Variants in CTNNA3 observed in about 807,000 individuals in gnomAD.
CTNNA3 encodes catenin alpha-3.
CTNNA3 carries 76 observed loss-of-function variants against 95.7 expected under a neutral mutation model. The observed-to-expected ratio is 0.79, with a 90% CI of 0.66 to 0.96. CTNNA3 has a LOEUF of 0.96. Among genes scored for constraint, CTNNA3 ranks in the 40% least tolerant of loss-of-function variants. The probability of loss-of-function intolerance (pLI) is 0.00; values close to 1 mark genes in which losing one functional copy is unlikely to be tolerated. For synonymous variants in CTNNA3, 431 were observed against 374.4 expected, an observed-to-expected ratio of 1.15 and a Z score of -1.74; for missense variants, 1,191 against 1,089.8, an observed-to-expected ratio of 1.09 and a Z score of -1.31.
chr10:67,311,489 C>T (rs763160597), intron 5 of CTNNA3, among the ~76,000 whole-genome samples: 2 of 152,060 alleles, frequency 1.3e-5, no homozygotes, highest in Non-Finnish European at 2.9e-5. Context: ...AGGGAGCTTG[C>T]CTATAAAAAG....
At chr10:66,256,061 C>A (rs2090759061) in intron 13 of CTNNA3, among the ~76,000 whole-genome samples, 1 of 152,128 alleles carries the variant, frequency 6.6e-6, no homozygotes. Context: ...CAACACCAGG[C>A]CACCAATGTT....
intron 7 of CTNNA3, among the ~76,000 whole-genome samples, chr10:66,849,227 C>G (rs2132374889): frequency 6.6e-6 from 1 of 152,194 alleles, no homozygotes; most frequent in Non-Finnish European, 1.5e-5. Context: ...GTTGTTTGTT[C>G]AAGATATGCA....
intron 11 of CTNNA3, among the ~76,000 whole-genome samples, chr10:66,397,437 G>A (rs964626328): frequency 2.0e-5 from 3 of 151,390 alleles, no homozygotes; most frequent in Admixed American, 6.6e-5. Flanking sequence ...CTCTCTCTTT[G>A]CCCACCAAAT....
rs749117441 is a variant in CTNNA3 at position 66,069,293 on chromosome 10, T to G, written c.2159+15A>C. On this transcript the variant is annotated intron_variant, in intron 15 of 17. Coordinates refer to ENST00000433211, the MANE Select transcript of CTNNA3 (RefSeq NM_013266.4). ...AGCCATTATGAATATTACACATCGT[T>G]TTCCACATAATTACCTAGTGAAGTC... 25 of 1,609,926 alleles carry G rather than the reference T, an allele frequency of 1.6e-5. No individual in the cohort carries two copies. Among genetic ancestry groups the G allele is most frequent in the Non-Finnish European group, 2.1e-5 (25 of 1,176,816 alleles).
intron 7 of CTNNA3, among the ~76,000 whole-genome samples, chr10:66,976,086 G>A (rs958265059): frequency 4.6e-5 from 7 of 151,718 alleles, no homozygotes; most frequent in Non-Finnish European, 8.9e-5. Flanking sequence ...AATACTTACT[G>A]TTAGGTGCTA....
At chr10:66,487,870 T>G (rs1331530252) in intron 11 of CTNNA3, among the ~76,000 whole-genome samples, 1 of 152,190 alleles carries the variant, frequency 6.6e-6, no homozygotes, top group East Asian at 1.9e-4. Context: ...AAATACTCTT[T>G]AAAAAGCTTG....
intron 15 of CTNNA3, among the ~76,000 whole-genome samples, chr10:66,019,662 A>C (rs2079161593): frequency 1.3e-5 from 2 of 152,292 alleles, no homozygotes; most frequent in African/African-American, 2.4e-5. Flanking sequence ...ATATGAGAAA[A>C]GGATCAAAAG....
intron 9 of CTNNA3, among the ~76,000 whole-genome samples, chr10:66,736,910 A>G (rs1364893299): frequency 6.6e-6 from 1 of 152,162 alleles, no homozygotes; most frequent in Non-Finnish European, 1.5e-5. Context: ...TTTGATTTTT[A>G]ATAACACTTT....
rs1841160722 is a variant in CTNNA3 at position 66,524,000 on chromosome 10, T to C, written c.1375-3227A>G. ...TAATAATCTTACTCATTTTAGTCTT[T>C]GTTCCAGCCACAGTTTTAAGCTCCA... On this transcript the variant is annotated intron_variant, in intron 10 of 17. Coordinates refer to ENST00000433211, the MANE Select transcript of CTNNA3 (RefSeq NM_013266.4). Among the ~76,000 whole-genome samples the C allele has an allele frequency of 2.6e-5, 4 of 152,144 alleles. No individual in the cohort carries two copies. In the South Asian group the frequency reaches 8.3e-4, roughly 32 times the overall value.
intron 5 of CTNNA3, among the ~76,000 whole-genome samples, chr10:67,467,996 C>T (rs563181004): frequency 8.6e-5 from 13 of 151,950 alleles, no homozygotes; most frequent in Admixed American, 2.6e-4. Flanking sequence ...TAGGCATGAG[C>T]CACTGTGCCT....
chr10:67,389,454 T>C (rs1278151550), intron 5 of CTNNA3, among the ~76,000 whole-genome samples: 1 of 151,830 alleles, frequency 6.6e-6, no homozygotes, highest in African/African-American at 2.4e-5. Context: ...TCCCACACAT[T>C]AAAAATGGGA....
chr10:66,507,719 T>A (rs1589350507), intron 11 of CTNNA3, among the ~76,000 whole-genome samples: 1 of 152,130 alleles, frequency 6.6e-6, no homozygotes. Flanking sequence ...TGTATATATA[T>A]ATATATTACA....
chr10:66,891,296 A>G (rs925411273), intron 7 of CTNNA3, among the ~76,000 whole-genome samples: 21 of 152,224 alleles, frequency 1.4e-4, no homozygotes, highest in African/African-American at 5.1e-4. Flanking sequence ...AAATTGAAAG[A>G]AATGCAGGTT....
At chr10:66,420,778 G>T (rs931897306) in intron 11 of CTNNA3, among the ~76,000 whole-genome samples, 4 of 148,870 alleles carry the variant, frequency 2.7e-5, no homozygotes, top group African/African-American at 9.9e-5. Flanking sequence ...CAGCCTGGGT[G>T]ACACAGCAAG....
intron 14 of CTNNA3, among the ~76,000 whole-genome samples, chr10:66,071,741 GT>G (rs1465603465): frequency 3.9e-5 from 6 of 152,124 alleles, no homozygotes; most frequent in African/African-American, 1.4e-4. Flanking sequence ...CTGACAGGCT[GT>G]TTTGGACATC....
chr10:67,536,470 TCA>T (rs1361679729), intron 4 of CTNNA3, among the ~76,000 whole-genome samples: 68 of 152,288 alleles, frequency 4.5e-4, no homozygotes, highest in Non-Finnish European at 2.6e-4. Flanking sequence ...TTGCATATTA[TCA>T]GAGAGTCTTT....
chr10:66,981,355 T>G (rs953734649), intron 7 of CTNNA3, among the ~76,000 whole-genome samples: 2 of 152,236 alleles, frequency 1.3e-5, no homozygotes, highest in Non-Finnish European at 2.9e-5. Flanking sequence ...GCTTTAAAAC[T>G]TCATCAGCTC....
At chr10:66,142,442 C>T (rs2083666816) in intron 13 of CTNNA3, among the ~76,000 whole-genome samples, 1 of 152,012 alleles carries the variant, frequency 6.6e-6, no homozygotes. Context: ...CAATGTTGGT[C>T]CTCCAACTTT....
intron 11 of CTNNA3, among the ~76,000 whole-genome samples, chr10:66,496,737 G>A (rs1840112006): frequency 6.6e-6 from 1 of 152,200 alleles, no homozygotes; most frequent in African/African-American, 2.4e-5. Context: ...GACCTTTATT[G>A]AAGCAGTACT....
Sources: allele counts gnomAD v4.1 joint callset (sites outside exome capture counted in the v4.1 genomes callset), GRCh38; gene constraint gnomAD v4.1.1; transcripts MANE v1.5; gene names NCBI Gene and HGNC (gene_info 2026-07-23, HGNC 2026-07-21).